RBMS3: variants seen among roughly 807,000 people sequenced by gnomAD.
RBMS3 encodes the protein RNA-binding motif, single-stranded-interacting protein 3.
In RBMS3, 27 loss-of-function variants were observed where a neutral mutation model predicts 66.8. That is an observed-to-expected ratio of 0.40 (90% confidence interval 0.30 to 0.56). RBMS3 has a LOEUF of 0.56. Ranked by LOEUF, RBMS3 falls within the 20% of genes least tolerant of loss-of-function variation. The pLI is 0.40. For missense variants in RBMS3, 513 were observed against 549.5 expected (o/e 0.93, Z 0.66); for synonymous variants, 188 against 183.0 (o/e 1.03, Z -0.22).
At chr3:29,667,903 C>A (rs1458350213) in intron 4 of RBMS3, among the ~76,000 whole-genome samples, 1 of 152,042 alleles carries the variant, frequency 6.6e-6, no homozygotes, top group Non-Finnish European at 1.5e-5. Flanking sequence ...TCTTTTTTAT[C>A]ATACCTCCAT....
At chr3:29,961,219 C>G (rs948409449) in intron 12 of RBMS3, among the ~76,000 whole-genome samples, 1 of 152,168 alleles carries the variant, frequency 6.6e-6, no homozygotes, top group Non-Finnish European at 1.5e-5. Context: ...AGTCTCTTTG[C>G]TAAAGCATGG....
At chr3:29,502,247 T>C (rs898254993) in intron 3 of RBMS3, among the ~76,000 whole-genome samples, 1 of 152,038 alleles carries the variant, frequency 6.6e-6, no homozygotes, top group Admixed American at 6.6e-5. Context: ...ACTAACAAAA[T>C]TATTATTATT....
chr3:29,493,232 A>G (rs1370874047), intron 3 of RBMS3, among the ~76,000 whole-genome samples: 1 of 152,208 alleles, frequency 6.6e-6, no homozygotes, highest in Admixed American at 6.5e-5. Context: ...AAATCAATAT[A>G]AAGGGATATA....
rs74372828 is a variant in RBMS3, at chr3:29,740,094, A to G, written c.557+217A>G. Among the ~76,000 whole-genome samples the G allele has an allele frequency of 6.4e-3, 968 of 152,178 alleles. 12 individuals are homozygous for G. The highest frequency in any genetic ancestry group is 0.022 in the African/African-American group (931 of 41,498). ...ACTGTGCTTGTTCAAATGTACGTAG[A>G]ATGTGTTTATGTGTCTTGAGTCATA... On this transcript the variant is annotated intron_variant, in intron 5 of 14. Transcript: ENST00000383767.
Position 30,006,358 on chromosome 3 carries a change from A to C in RBMS3, c.*2496A>C, listed in dbSNP as rs1049533907. The C allele has an allele frequency of 2.6e-5, 4 of 151,896 alleles. No homozygotes were observed. Among genetic ancestry groups the C allele is most frequent in the African/African-American group, 9.7e-5 (4 of 41,420 alleles). The allele number at this position is 151,896 out of a possible 1,614,324, so 9.4% of individuals were successfully genotyped here. A position where few individuals can be genotyped will look rare whatever the true frequency, so the allele number is the denominator to read the frequency against. On this transcript the variant is annotated 3_prime_UTR_variant, in exon 15 of 15. Coordinates refer to ENST00000383767, the MANE Select transcript of RBMS3 (RefSeq NM_001003793.3). ...GCAACCCCATGCACTGGAAGCCCAA[A>C]TCAGAGAATGACTCCATATATTTAT...
intron 1 of RBMS3, among the ~76,000 whole-genome samples, chr3:29,326,245 C>A (rs2035330176): frequency 6.6e-6 from 1 of 152,164 alleles, no homozygotes; most frequent in Non-Finnish European, 1.5e-5. Context: ...CCTTGGAAAG[C>A]ATGCAATTCA....
intron 3 of RBMS3, among the ~76,000 whole-genome samples, chr3:29,513,700 C>T (rs1395723354): frequency 2.0e-5 from 3 of 152,014 alleles, no homozygotes; most frequent in Non-Finnish European, 4.4e-5. Context: ...GAGAAGTATG[C>T]AGGGTGCCTG....
intron 12 of RBMS3, among the ~76,000 whole-genome samples, chr3:29,985,404 G>GA (rs61097302): frequency 0.028 from 4,235 of 148,802 alleles, 119 homozygotes; most frequent in East Asian, 0.17. Context: ...ACTGGGGTAT[G>GA]AAAAAAAAAA....
At chr3:29,777,949 T>C (rs186199766) in intron 6 of RBMS3, among the ~76,000 whole-genome samples, 178 of 152,006 alleles carry the variant, frequency 1.2e-3, no homozygotes, top group African/African-American at 4.0e-3. Context: ...TTCATTAACC[T>C]TTACATTGAT....
chr3:29,653,881 A>G (rs942351208), intron 4 of RBMS3, among the ~76,000 whole-genome samples: 2 of 152,134 alleles, frequency 1.3e-5, no homozygotes, highest in Non-Finnish European at 2.9e-5. Context: ...TGGAGCAGAA[A>G]TTGTTAGTCC....
intron 4 of RBMS3, among the ~76,000 whole-genome samples, chr3:29,664,223 C>T (rs1252561188): frequency 3.9e-5 from 6 of 152,098 alleles, no homozygotes; most frequent in Non-Finnish European, 5.9e-5. Context: ...GGCACGGCGA[C>T]GCATGCTTGT....
chr3:29,961,639 G>A (rs1294309049), intron 12 of RBMS3, among the ~76,000 whole-genome samples: 1 of 152,054 alleles, frequency 6.6e-6, no homozygotes. Flanking sequence ...GAAGGTGAAG[G>A]AAATATATCC....
chr3:29,689,970 G>T (rs1249096227), intron 4 of RBMS3, among the ~76,000 whole-genome samples: 1 of 129,814 alleles, frequency 7.7e-6, no homozygotes, highest in South Asian at 2.5e-4. Flanking sequence ...AAGAAAGGGA[G>T]ATGCTATTAC....
At chr3:29,899,311 A>T (rs1241844801) in intron 9 of RBMS3, among the ~76,000 whole-genome samples, 1 of 151,736 alleles carries the variant, frequency 6.6e-6, no homozygotes, top group East Asian at 1.9e-4. Context: ...GTTACAACTG[A>T]TGACAGAAAA....
At chr3:29,316,061 A>T (rs1312559046) in intron 1 of RBMS3, among the ~76,000 whole-genome samples, 1 of 151,676 alleles carries the variant, frequency 6.6e-6, no homozygotes, top group East Asian at 1.9e-4. Flanking sequence ...TACCGGGGTG[A>T]TATTAAGAAT....
intron 4 of RBMS3, among the ~76,000 whole-genome samples, chr3:29,706,409 C>G (rs1490393496): frequency 6.6e-6 from 1 of 152,184 alleles, no homozygotes; most frequent in Non-Finnish European, 1.5e-5. Context: ...CAAAGTGACA[C>G]ATAATCAAGA....
intron 4 of RBMS3, among the ~76,000 whole-genome samples, chr3:29,736,623 A>T (rs1391845798): frequency 6.6e-6 from 1 of 152,138 alleles, no homozygotes; most frequent in Non-Finnish European, 1.5e-5. Context: ...TGGCCCACTC[A>T]TTGGTAGGCT....
At chr3:29,580,006 G>T (rs1167444138) in intron 3 of RBMS3, among the ~76,000 whole-genome samples, 1 of 152,120 alleles carries the variant, frequency 6.6e-6, no homozygotes, top group Non-Finnish European at 1.5e-5. Flanking sequence ...AGTGAGTTTT[G>T]GGATTTGAAT....
At chr3:29,999,764 G>T (rs1467628710) in intron 14 of RBMS3, among the ~76,000 whole-genome samples, 7 of 151,812 alleles carry the variant, frequency 4.6e-5, no homozygotes, top group African/African-American at 7.3e-5. Flanking sequence ...GTTGTGGGGT[G>T]GGGGGAGTGG....
Sources: allele counts gnomAD v4.1 joint callset (sites outside exome capture counted in the v4.1 genomes callset), GRCh38; gene constraint gnomAD v4.1.1; transcripts MANE v1.5; gene names NCBI Gene and HGNC (gene_info 2026-07-23, HGNC 2026-07-21).